The following RCOR1 variants were observed in gnomAD, a reference collection of about 807,000 sequenced individuals.
RCOR1 encodes the protein REST corepressor 1.
A neutral mutation model predicts 64.0 loss-of-function variants in RCOR1; 12 were observed. The ratio of observed to expected loss-of-function variants is 0.19; its 90% CI spans 0.12 to 0.30. RCOR1 has a LOEUF of 0.30. Ranked by LOEUF, RCOR1 falls within the 10% of genes least tolerant of loss-of-function variation. RCOR1 has a pLI of 1.00. For missense variants in RCOR1, 502 were observed against 621.2 expected, an observed-to-expected ratio of 0.81 and a Z score of 2.04; for synonymous variants, 279 against 227.2, an observed-to-expected ratio of 1.23 and a Z score of -2.05.
At chr14:102,666,251 A>G (rs549952971) in intron 2 of RCOR1, among the ~76,000 whole-genome samples, 1 of 152,320 alleles carries the variant, frequency 6.6e-6, no homozygotes, top group East Asian at 1.9e-4. Flanking sequence ...TAGAAAGATA[A>G]GCAGGCCAGA....
At chr14:102,725,350 T>G (rs1420686969) in intron 11 of RCOR1, among the ~76,000 whole-genome samples, 1 of 152,218 alleles carries the variant, frequency 6.6e-6, no homozygotes, top group East Asian at 1.9e-4. Flanking sequence ...TAAGACGCTA[T>G]GCAGCCTTTA....
At chr14:102,681,618 G>A (rs1895305029) in intron 2 of RCOR1, among the ~76,000 whole-genome samples, 1 of 152,230 alleles carries the variant, frequency 6.6e-6, no homozygotes, top group Non-Finnish European at 1.5e-5. Context: ...GAACCTTTGA[G>A]CACCTTGGCA....
chr14:102,631,522 G>T (rs1894110634), intron 2 of RCOR1, among the ~76,000 whole-genome samples: 1 of 151,850 alleles, frequency 6.6e-6, no homozygotes, highest in African/African-American at 2.4e-5. Flanking sequence ...CTATTTTTGA[G>T]AATAAAAAGG....
chr14:102,616,561 A>G (rs1465439430), intron 2 of RCOR1, among the ~76,000 whole-genome samples: 1 of 152,104 alleles, frequency 6.6e-6, no homozygotes, highest in Non-Finnish European at 1.5e-5. Flanking sequence ...GTGAGTCATC[A>G]TGTTTGGCCT....
At chr14:102,721,522 G>T in intron 10 of RCOR1, 145 bp downstream of exon 10, 1 of 469,382 alleles carries the variant, frequency 2.1e-6, no homozygotes, top group Non-Finnish European at 3.8e-6. Context: ...CTGCATTCCA[G>T]CCTGGACAAC....
chr14:102,610,843 C>G (rs1002076376), intron 2 of RCOR1, among the ~76,000 whole-genome samples: 1 of 152,096 alleles, frequency 6.6e-6, no homozygotes, highest in Non-Finnish European at 1.5e-5. Flanking sequence ...CGTGAGCCAC[C>G]GTGCCCAGCC....
At chr14:102,605,067 CAAAAAAAAAAA>C (rs71119718) in intron 2 of RCOR1, among the ~76,000 whole-genome samples, 15 of 93,996 alleles carry the variant, frequency 1.6e-4, no homozygotes, top group African/African-American at 5.0e-4. Flanking sequence ...TATTCCATCT[CAAAAAAAAAAA>C]AAAAAAAAAA....
At chr14:102,654,437 G>T (rs1251617334) in intron 2 of RCOR1, among the ~76,000 whole-genome samples, 1 of 152,172 alleles carries the variant, frequency 6.6e-6, no homozygotes, top group Non-Finnish European at 1.5e-5. Flanking sequence ...TTTAGTATTT[G>T]AGTAATGCCG....
intron 2 of RCOR1, among the ~76,000 whole-genome samples, chr14:102,608,581 C>T (rs1043813778): frequency 4.0e-5 from 6 of 151,140 alleles, no homozygotes; most frequent in African/African-American, 4.9e-5. Context: ...ATTATAGGTG[C>T]GCACCACCAT....
intron 2 of RCOR1, among the ~76,000 whole-genome samples, chr14:102,674,546 T>C (rs938861046): frequency 6.6e-6 from 1 of 152,188 alleles, no homozygotes; most frequent in African/African-American, 2.4e-5. Flanking sequence ...ACATTGCATA[T>C]ATATGTAGTC....
intron 2 of RCOR1, among the ~76,000 whole-genome samples, chr14:102,621,454 C>T (rs1258343219): frequency 6.9e-6 from 1 of 144,850 alleles, no homozygotes; most frequent in African/African-American, 2.6e-5. Context: ...CAGCTTACTG[C>T]AGCCTTGAAC....
intron 2 of RCOR1, chr14:102,658,100 A>C (rs1016629236): frequency 1.2e-5 from 3 of 259,746 alleles, no homozygotes; most frequent in African/African-American, 4.6e-5. Flanking sequence ...TCAGCCTCCC[A>C]AGTAATTGGG....
At chr14:102,638,304 G>A (rs1894288068) in intron 2 of RCOR1, among the ~76,000 whole-genome samples, 7 of 152,176 alleles carry the variant, frequency 4.6e-5, no homozygotes, top group Admixed American at 3.9e-4. Flanking sequence ...GGATTTGTAG[G>A]GAAGAGAGAG....
chr14:102,618,038 G>T (rs1893800474), intron 2 of RCOR1, among the ~76,000 whole-genome samples: 1 of 141,524 alleles, frequency 7.1e-6, no homozygotes, highest in Admixed American at 7.4e-5. Flanking sequence ...GGAGTGGCAT[G>T]ATCTCAGTCA....
chr14:102,686,059 A>G (rs778782854), intron 3 of RCOR1, among the ~76,000 whole-genome samples: 15 of 152,314 alleles, frequency 9.8e-5, no homozygotes, highest in Non-Finnish European at 7.3e-5. Context: ...AAATTATCAC[A>G]TGTACCCTGG....
intron 2 of RCOR1, among the ~76,000 whole-genome samples, chr14:102,608,509 A>G (rs962337559): frequency 2.0e-5 from 3 of 151,974 alleles, no homozygotes; most frequent in Admixed American, 2.0e-4. Flanking sequence ...ATCTCAACTC[A>G]TTGCAACCTC....
intron 2 of RCOR1, among the ~76,000 whole-genome samples, chr14:102,607,283 A>G (rs1893530831): frequency 2.0e-5 from 3 of 152,204 alleles, no homozygotes; most frequent in South Asian, 4.1e-4. Flanking sequence ...GCAACTGTAT[A>G]TCAAATGGAA....
chr14:102,657,218 G>T (rs1467152353), intron 2 of RCOR1: 1 of 985,090 alleles, frequency 1.0e-6, no homozygotes, highest in Non-Finnish European at 1.2e-6. Context: ...CACGGTGCTG[G>T]ATATGGATGT....
intron 2 of RCOR1, among the ~76,000 whole-genome samples, chr14:102,670,506 A>G (rs1418936799): frequency 1.3e-5 from 2 of 152,078 alleles, no homozygotes; most frequent in Non-Finnish European, 2.9e-5. Flanking sequence ...CACAATAAAT[A>G]TACACAATAT....
Sources: allele counts gnomAD v4.1 joint callset (sites outside exome capture counted in the v4.1 genomes callset), GRCh38; gene constraint gnomAD v4.1.1; transcripts MANE v1.5; gene names NCBI Gene and HGNC (gene_info 2026-07-23, HGNC 2026-07-21).